BCAR3: variants seen among roughly 807,000 people sequenced by gnomAD.
The protein encoded by BCAR3 is BCAR3 adaptor protein, NSP family member.
Under a neutral mutation model 80.1 loss-of-function variants are expected in BCAR3, and 37 were observed. That is an observed-to-expected ratio of 0.46 (90% CI 0.36 to 0.61). BCAR3 has a LOEUF of 0.61. Among genes scored for constraint, BCAR3 ranks in the 20% least tolerant of loss-of-function variants. The pLI, the probability that BCAR3 is intolerant of heterozygous loss-of-function variation, is 0.00. For synonymous variants in BCAR3, 389 were observed against 418.9 expected, an observed-to-expected ratio of 0.93 and a Z score of 0.87; for missense variants, 978 against 1,068.2, an observed-to-expected ratio of 0.92 and a Z score of 1.18.
intron 1 of BCAR3, among the ~76,000 whole-genome samples, chr1:93,676,353 C>T (rs1378205039): frequency 1.3e-5 from 2 of 152,202 alleles, no homozygotes; most frequent in East Asian, 3.8e-4. Context: ...TACAACAAAA[C>T]ACACACGTTC....
intron 9 of BCAR3, 53 bp downstream of exon 9, chr1:93,571,617 A>G: frequency 1.3e-6 from 2 of 1,599,846 alleles, no homozygotes; most frequent in Non-Finnish European, 1.7e-6. Flanking sequence ...CAAACATGGC[A>G]TGCAGATCTC....
At chr1:93,651,870 T>C (rs535162274) in intron 2 of BCAR3, among the ~76,000 whole-genome samples, 3 of 152,256 alleles carry the variant, frequency 2.0e-5, no homozygotes, top group Admixed American at 1.3e-4. Flanking sequence ...CCCAAGCCCG[T>C]GTCAGCACTG....
At chr1:93,840,759 AC>A (rs1428434311) in intron 2 of BCAR3, among the ~76,000 whole-genome samples, 2 of 152,216 alleles carry the variant, frequency 1.3e-5, no homozygotes, top group Non-Finnish European at 2.9e-5. Flanking sequence ...GGGGAGAATT[AC>A]AAAACAGTTA....
At chr1:93,819,355 C>T (rs1040244434) in intron 2 of BCAR3, among the ~76,000 whole-genome samples, 5 of 152,222 alleles carry the variant, frequency 3.3e-5, no homozygotes, top group South Asian at 2.1e-4. Flanking sequence ...TGAACCCCCA[C>T]GCCCAGCCGG....
At chr1:93,633,019 A>T (rs994807548) in intron 3 of BCAR3, among the ~76,000 whole-genome samples, 19 of 150,884 alleles carry the variant, frequency 1.3e-4, no homozygotes, top group Middle Eastern at 3.4e-3. Context: ...AACTCCACAT[A>T]AAAAAAAAGC....
At chr1:93,602,553 G>A (rs759206366) in intron 3 of BCAR3, 3 of 152,294 alleles carry the variant, frequency 2.0e-5, no homozygotes, top group South Asian at 2.1e-4. Context: ...ATCTGGCATC[G>A]TCTTACAAGT....
intron 2 of BCAR3, among the ~76,000 whole-genome samples, chr1:93,725,039 T>C (rs79238527): frequency 0.057 from 8,701 of 152,272 alleles, 299 homozygotes; most frequent in African/African-American, 0.095. Flanking sequence ...TCTTACCTAC[T>C]TCTCCTCACC....
chr1:93,734,482 A>G (rs899522899), intron 2 of BCAR3, among the ~76,000 whole-genome samples: 1 of 152,152 alleles, frequency 6.6e-6, no homozygotes, highest in African/African-American at 2.4e-5. Context: ...GAGACACACA[A>G]GAGTGTGCTC....
At chr1:93,670,780 T>C (rs562966865) in intron 2 of BCAR3, among the ~76,000 whole-genome samples, 1 of 152,150 alleles carries the variant, frequency 6.6e-6, no homozygotes, top group South Asian at 2.1e-4. Flanking sequence ...AACTATAAAA[T>C]GTAGGAGATA....
intron 2 of BCAR3, among the ~76,000 whole-genome samples, chr1:93,720,971 C>T (rs953033529): frequency 1.3e-5 from 2 of 152,140 alleles, no homozygotes; most frequent in African/African-American, 2.4e-5. Context: ...ATCAGGGTGT[C>T]GGGCAGCAGG....
chr1:93,695,047 C>T (rs1004141851), intron 3 of BCAR3, among the ~76,000 whole-genome samples: 2 of 152,234 alleles, frequency 1.3e-5, no homozygotes, highest in Non-Finnish European at 2.9e-5. Context: ...TCCCCTCGCC[C>T]TCCCACATTC....
intron 2 of BCAR3, among the ~76,000 whole-genome samples, chr1:93,812,045 G>A (rs1446181035): frequency 6.6e-6 from 1 of 152,166 alleles, no homozygotes; most frequent in African/African-American, 2.4e-5. Flanking sequence ...ATGTTCATAT[G>A]AAAGCTCGTG....
At chr1:93,831,833 C>T (rs537595110) in intron 2 of BCAR3, among the ~76,000 whole-genome samples, 23 of 152,188 alleles carry the variant, frequency 1.5e-4, no homozygotes, top group Non-Finnish European at 2.8e-4. Context: ...TAGCCCTCCC[C>T]GACCTGCCCA....
At chr1:93,629,723 G>A (rs1220016667) in intron 3 of BCAR3, among the ~76,000 whole-genome samples, 1 of 152,226 alleles carries the variant, frequency 6.6e-6, no homozygotes, top group African/African-American at 2.4e-5. Flanking sequence ...TTTTGGTGTT[G>A]AAGTTACTGA....
chr1:93,747,645 C>T lies in BCAR3; in HGVS notation c.-62-41503G>A, dbSNP rs918158014. Reference sequence around the variant, plus strand: ...GAGTTTCCCTGCCTCTCGTCTCTCCCATTCCATATAATTTGAGCTGCTACC... The same window carrying T: ...GAGTTTCCCTGCCTCTCGTCTCTCCTATTCCATATAATTTGAGCTGCTACC... On this transcript the variant is annotated intron_variant, in intron 2 of 13. Coordinates refer to the BCAR3 transcript ENST00000370244. Among the ~76,000 whole-genome samples, 50 of 151,776 alleles carry T rather than the reference C, an allele frequency of 3.3e-4. 2 individuals are homozygous for T. Among genetic ancestry groups the T allele is most frequent in the African/African-American group, 1.2e-3 (49 of 41,030 alleles).
At chr1:93,816,437 T>C (rs1259920384) in intron 2 of BCAR3, among the ~76,000 whole-genome samples, 1 of 151,608 alleles carries the variant, frequency 6.6e-6, no homozygotes, top group Non-Finnish European at 1.5e-5. Flanking sequence ...CTTTGGGAGG[T>C]TGAGGCAGGC....
intron 2 of BCAR3, among the ~76,000 whole-genome samples, chr1:93,777,459 C>CTCCTCCTCCTCT (rs1652609581): frequency 6.9e-6 from 1 of 145,954 alleles, no homozygotes; most frequent in African/African-American, 2.6e-5. Context: ...CCTCCTCTTC[C>CTCCTCCTCCTCT]TCCTCCTCTT....
intron 3 of BCAR3, among the ~76,000 whole-genome samples, chr1:93,690,747 C>CA (rs1228572010): frequency 1.3e-5 from 2 of 152,116 alleles, no homozygotes; most frequent in Admixed American, 6.5e-5. Context: ...GTGAAAATTA[C>CA]AAAAAATATG....
intron 2 of BCAR3, among the ~76,000 whole-genome samples, chr1:93,816,918 A>G (rs1002965274): frequency 6.6e-6 from 1 of 152,168 alleles, no homozygotes; most frequent in Admixed American, 6.5e-5. Context: ...TATTTTGCTG[A>G]AGTCCTAAAA....
Sources: allele counts gnomAD v4.1 joint callset (sites outside exome capture counted in the v4.1 genomes callset), GRCh38; gene constraint gnomAD v4.1.1; transcripts MANE v1.5; gene names NCBI Gene and HGNC (gene_info 2026-07-23, HGNC 2026-07-21).